SRFBP1: variants seen among roughly 807,000 people sequenced by gnomAD.
SRFBP1 encodes serum response factor-binding protein 1.
Under a neutral mutation model 45.5 loss-of-function variants are expected in SRFBP1, and 47 were observed. The observed-to-expected ratio is 1.03, with a 90% CI of 0.82 to 1.32. The LOEUF (loss-of-function observed/expected upper bound fraction) is 1.32, where lower values mean the gene tolerates loss of function less well. Ranked by LOEUF, SRFBP1 falls within the 40% of genes most tolerant of loss-of-function variation. SRFBP1 has a pLI of 0.00. For missense variants in SRFBP1, 621 were observed against 484.6 expected (o/e 1.28, Z -2.64); for synonymous variants, 203 against 166.3 (o/e 1.22, Z -1.70).
rs151011595 is a variant in SRFBP1, at chr5:122,038,971, G to GA, written n.311+16574dup. 2.3e-4 allele frequency among the ~76,000 whole-genome samples: 34 copies of GA among 148,828 alleles called. No individual in the cohort carries two copies. In the East Asian group the frequency reaches 2.9e-3, roughly 13 times the overall value. On this transcript the variant is annotated intron_variant and non_coding_transcript_variant, in intron 2 of 2. Transcript: ENST00000504881. ...TTCAAATGTGGCATATGGTAATTAT[G>GA]AAAAAAAAAATCTCCAAGAGGATGG...
At chr5:122,004,422 A>C (rs186922965) in intron 4 of SRFBP1, among the ~76,000 whole-genome samples, 1 of 152,210 alleles carries the variant, frequency 6.6e-6, no homozygotes, top group East Asian at 1.9e-4. Context: ...TTTGATGAAA[A>C]TCAGTTGGCC....
At chr5:122,017,332 G>A (rs1317657536) in intron 4 of SRFBP1, among the ~76,000 whole-genome samples, 1 of 152,180 alleles carries the variant, frequency 6.6e-6, no homozygotes, top group Non-Finnish European at 1.5e-5. Context: ...CTCCAGAGGG[G>A]AAACTTTCCT....
At chr5:122,017,952 A>G (rs1026205223) in intron 4 of SRFBP1, among the ~76,000 whole-genome samples, 2 of 152,226 alleles carry the variant, frequency 1.3e-5, no homozygotes, top group Non-Finnish European at 1.5e-5. Context: ...ATCTACAGCA[A>G]TGAGGCAAAC....
At chr5:122,039,578 A>G (rs75489451) in intron 2 of SRFBP1, among the ~76,000 whole-genome samples, 12,448 of 152,172 alleles carry the variant, frequency 0.082, 805 homozygotes, top group African/African-American at 0.17. Flanking sequence ...AACTTTCCAG[A>G]TAATCTTCCA....
rs144070994 is a variant in SRFBP1 at position 121,987,562 on chromosome 5, G to T, written c.199-7037G>T. ...TCTCTCACTCTTACAAGTTATTTCAGATTCTTTATTTCAGAGAAATGACTC... is the reference window on the plus strand; with the variant it reads ...TCTCTCACTCTTACAAGTTATTTCATATTCTTTATTTCAGAGAAATGACTC... On this transcript the variant is annotated intron_variant, in intron 3 of 7. Coordinates refer to ENST00000339397, the MANE Select transcript of SRFBP1 (RefSeq NM_152546.3). 3.7e-3 allele frequency among the ~76,000 whole-genome samples: 561 copies of T among 152,200 alleles called. 5 individuals carry two copies. The highest frequency in any genetic ancestry group is 0.012 in the African/African-American group (508 of 41,548).
At chr5:121,980,010 C>G (rs943612271) in intron 3 of SRFBP1, among the ~76,000 whole-genome samples, 2 of 152,088 alleles carry the variant, frequency 1.3e-5, no homozygotes, top group African/African-American at 4.8e-5. Context: ...TCCTATCTAC[C>G]AGAGGGACTG....
intron 3 of SRFBP1, among the ~76,000 whole-genome samples, chr5:121,994,080 T>C (rs922980325): frequency 1.3e-5 from 2 of 152,082 alleles, no homozygotes; most frequent in Non-Finnish European, 2.9e-5. Context: ...GATTTTGTTC[T>C]TTCTTGACTG....
chr5:122,039,445 A>C (rs1753739150), intron 2 of SRFBP1, among the ~76,000 whole-genome samples: 2 of 152,144 alleles, frequency 1.3e-5, no homozygotes, highest in Non-Finnish European at 2.9e-5. Flanking sequence ...GTGCTCACTG[A>C]ATCTATTACT....
intron 1 of SRFBP1, among the ~76,000 whole-genome samples, chr5:121,973,820 A>G (rs147488071): frequency 2.6e-5 from 4 of 152,002 alleles, no homozygotes; most frequent in African/African-American, 7.2e-5. Context: ...TCCTACCATT[A>G]TGAGTGAGGC....
chr5:122,057,939 C>G (rs1239757477), intron 2 of SRFBP1, among the ~76,000 whole-genome samples: 4 of 152,062 alleles, frequency 2.6e-5, no homozygotes, highest in East Asian at 3.9e-4. Context: ...TCAGCCTCCC[C>G]CAAGTGCTAA....
At chr5:122,047,727 C>A (rs1753890437) in intron 2 of SRFBP1, among the ~76,000 whole-genome samples, 1 of 152,126 alleles carries the variant, frequency 6.6e-6, no homozygotes, top group Non-Finnish European at 1.5e-5. Flanking sequence ...TTTCATTGAG[C>A]AGTGGTTTGT....
chr5:122,036,736 A>C (rs966841851), intron 2 of SRFBP1, among the ~76,000 whole-genome samples: 2 of 152,014 alleles, frequency 1.3e-5, no homozygotes, highest in African/African-American at 2.4e-5. Flanking sequence ...TGTCCATATG[A>C]CCCAACTGGG....
chr5:121,991,727 A>G (rs1410371635), intron 3 of SRFBP1, among the ~76,000 whole-genome samples: 1 of 152,190 alleles, frequency 6.6e-6, no homozygotes, highest in Non-Finnish European at 1.5e-5. Flanking sequence ...GTACCTGACA[A>G]TTCCAGTTAT....
intron 1 of SRFBP1, among the ~76,000 whole-genome samples, chr5:121,970,571 G>A (rs140704897): frequency 2.9e-4 from 44 of 151,068 alleles, no homozygotes; most frequent in African/African-American, 9.7e-4. Flanking sequence ...TTGTCTGTGT[G>A]CCTTTTCATT....
chr5:122,028,628 A>G lies in SRFBP1; in HGVS notation c.*1502A>G, dbSNP rs1256644837. 1 of 152,142 alleles carries G rather than the reference A, an allele frequency of 6.6e-6. No individual in the cohort carries two copies. The highest frequency in any genetic ancestry group is 2.4e-5 in the African/African-American group (1 of 41,422). The allele number at this position is 152,142 out of a possible 1,614,324, so 9.4% of individuals were successfully genotyped here. A position where few individuals can be genotyped will look rare whatever the true frequency, so the allele number is the denominator to read the frequency against. The stretch of plus-strand genomic sequence containing the variant: ...TCAAAAAAAAAAAAAAATTTGATAA[A>G]TAGAATAATGGAATTCAAGGGATTA... On this transcript the variant is annotated 3_prime_UTR_variant, in exon 8 of 8. Transcript: ENST00000339397.
At chr5:122,070,792 T>C (rs1561417685) in intron 2 of SRFBP1, 5 of 420,054 alleles carry the variant, frequency 1.2e-5, no homozygotes, top group Non-Finnish European at 2.1e-5. Context: ...AGGACTAATA[T>C]AAGTAGTAGT....
rs914738186 is a variant in SRFBP1 at position 122,070,391 on chromosome 5, G to A, written n.312-4924G>A. 4.4e-6 allele frequency: 3 copies of A among 688,476 alleles called. No individual in the cohort carries two copies. The African/African-American group carries it at 5.4e-5, about 12-fold the overall frequency. The allele number at this position is 688,476 out of a possible 1,614,324, so 42.6% of individuals were successfully genotyped here. A position where few individuals can be genotyped will look rare whatever the true frequency, so the allele number is the denominator to read the frequency against. On this transcript the variant is annotated intron_variant and non_coding_transcript_variant, in intron 2 of 2. Transcript: ENST00000504881. ...GATTGTTTATAAATAGTTTGAGGAT[G>A]TATAATTGCTTCCAATACCATGATT...
At chr5:121,977,129 T>G (rs569940899) in intron 3 of SRFBP1, among the ~76,000 whole-genome samples, 1 of 152,238 alleles carries the variant, frequency 6.6e-6, no homozygotes, top group Admixed American at 6.5e-5. Flanking sequence ...TGATAAAGTT[T>G]GTAGGTTTAC....
intron 4 of SRFBP1, among the ~76,000 whole-genome samples, chr5:122,018,102 G>T (rs116803335): frequency 1.1e-3 from 170 of 152,332 alleles, no homozygotes; most frequent in African/African-American, 4.0e-3. Context: ...ATGATCAGCC[G>T]TGTATATATT....
Sources: gnomAD v4.1 joint callset for allele counts (sites outside exome capture counted in the v4.1 genomes callset) on GRCh38, gnomAD v4.1.1 for gene constraint, MANE v1.5 for transcripts, NCBI Gene and HGNC (gene_info 2026-07-23, HGNC 2026-07-21) for gene names.